CEP126: variants seen among roughly 807,000 people sequenced by gnomAD.
CEP126 encodes the protein centrosomal protein 126, also known as centrosomal protein of 126 kDa.
In CEP126, 74 loss-of-function variants were observed where a neutral mutation model predicts 107.8. The ratio of observed to expected loss-of-function variants is 0.69; its 90% CI spans 0.57 to 0.83. The LOEUF (loss-of-function observed/expected upper bound fraction) is 0.83, where lower values mean the gene tolerates loss of function less well. CEP126 is among the 40% of genes least tolerant of loss of function. The pLI is 0.00. For missense variants in CEP126, 1,237 were observed against 1,281.9 expected (o/e 0.96, Z 0.53); for synonymous variants, 449 against 446.0 (o/e 1.01, Z -0.08).
intron 2 of CEP126, among the ~76,000 whole-genome samples, chr11:101,933,200 GAC>G (rs1469645316): frequency 1.3e-4 from 20 of 152,266 alleles, no homozygotes; most frequent in African/African-American, 4.8e-4. Flanking sequence ...TGCTGACACA[GAC>G]ACTGAACTTA....
intron 9 of CEP126, among the ~76,000 whole-genome samples, chr11:101,989,458 C>G (rs763351539): frequency 3.9e-5 from 6 of 152,016 alleles, no homozygotes; most frequent in Non-Finnish European, 1.5e-5. Context: ...CCCCGGGTGG[C>G]AAAAATCACC....
At position 101,998,756 on chromosome 11, in the gene CEP126, A is replaced by G. The variant is rs753308464; in HGVS notation, c.*1113A>G. On this transcript the variant is annotated 3_prime_UTR_variant, in exon 11 of 11. Coordinates refer to ENST00000263468, the MANE Select transcript of CEP126 (RefSeq NM_020802.4). The stretch of plus-strand genomic sequence containing the variant: ...TGCATTAACATGTTGAATGCCTACC[A>G]TGTACCAAATTTTGTGCATATATTT... 6.6e-6 allele frequency: 1 copy of G among 152,100 alleles called. No homozygotes were observed. Among genetic ancestry groups the G allele is most frequent in the Non-Finnish European group, 1.5e-5 (1 of 68,030 alleles). The allele number at this position is 152,100 out of a possible 1,614,324, so 9.4% of individuals were successfully genotyped here.
chr11:101,973,707 A>G (rs1333740016), intron 6 of CEP126, among the ~76,000 whole-genome samples: 1 of 152,242 alleles, frequency 6.6e-6, no homozygotes, highest in Non-Finnish European at 1.5e-5. Context: ...ATAAAAAGGC[A>G]TAGAAAAACT....
At chr11:101,967,025 CTT>C (rs759877416) in intron 6 of CEP126, among the ~76,000 whole-genome samples, 55 of 107,058 alleles carry the variant, frequency 5.1e-4, no homozygotes, top group Non-Finnish European at 8.1e-4. Context: ...CTCTTTCTTT[CTT>C]TTTTTTTTTT....
At chr11:101,976,866 C>T (rs1406623447) in intron 6 of CEP126, among the ~76,000 whole-genome samples, 1 of 152,128 alleles carries the variant, frequency 6.6e-6, no homozygotes, top group Non-Finnish European at 1.5e-5. Flanking sequence ...TCACTTAATT[C>T]CACTTATAGC....
At chr11:101,915,567 T>C (rs1940191629) in intron 1 of CEP126, among the ~76,000 whole-genome samples, 155 bp downstream of exon 1, 1 of 152,200 alleles carries the variant, frequency 6.6e-6, no homozygotes, top group Non-Finnish European at 1.5e-5. Context: ...GTGTCTCACC[T>C]TAGACCTGAA....
In CEP126 at chr11:101,945,690, T is replaced by C. The variant is rs182026317; in HGVS notation, c.394+1280T>C. Among the ~76,000 whole-genome samples the C allele has an allele frequency of 3.2e-3, 484 of 152,236 alleles. 4 individuals are homozygous for C. Among genetic ancestry groups the C allele is most frequent in the Non-Finnish European group, 3.8e-3 (257 of 68,010 alleles). On this transcript the variant is annotated intron_variant, in intron 3 of 10. Coordinates refer to ENST00000263468, the MANE Select transcript of CEP126 (RefSeq NM_020802.4). ...CATCTGTCACTCGGCTCAAAAGTCT[T>C]TAGTAACACAGTTTATACCCTCACT...
intron 1 of CEP126, among the ~76,000 whole-genome samples, chr11:101,918,039 G>A (rs1940256728): frequency 6.6e-6 from 1 of 152,036 alleles, no homozygotes; most frequent in South Asian, 2.1e-4. Context: ...ATAAGACTTG[G>A]ATGCCCTGAC....
chr11:101,917,028 ATGTGTGTG>A (rs57573389), intron 1 of CEP126, among the ~76,000 whole-genome samples: 15,884 of 135,944 alleles, frequency 0.12, 1,121 homozygotes, highest in Admixed American at 0.22. Flanking sequence ...AAATCCAACA[ATGTGTGTG>A]TGTGTGTGTG....
Position 101,962,799 on chromosome 11 carries a change from T to C in CEP126, c.1764T>C (p.Gly588=), listed in dbSNP as rs11601724. 9.4e-6 allele frequency: 15 copies of C among 1,602,694 alleles called. No individual in the cohort carries two copies. In the South Asian group the frequency reaches 1.7e-4, roughly 18 times the overall value. The change falls in exon 6 of 11, where the codon GGT becomes GGC. Residue 588 remains glycine (G), a synonymous_variant. Transcript: ENST00000263468. ...AGAAAGAATCTAAATATGAACATGG[T>C]TATCTTAAGGCATTAATTATAAATC... ...ILKKESKYEH[G]YLKALIINQS...
At chr11:101,965,685 T>G (rs1056493994) in intron 6 of CEP126, among the ~76,000 whole-genome samples, 1 of 152,208 alleles carries the variant, frequency 6.6e-6, no homozygotes, top group African/African-American at 2.4e-5. Flanking sequence ...CTTTTTGAGT[T>G]TGTAGCTTGT....
intron 9 of CEP126, among the ~76,000 whole-genome samples, chr11:101,991,399 GA>G (rs1035827942): frequency 4.0e-5 from 6 of 151,180 alleles, no homozygotes; most frequent in African/African-American, 1.2e-4. Flanking sequence ...AAGAACAAGA[GA>G]AAAAAAACAC....
intron 6 of CEP126, among the ~76,000 whole-genome samples, chr11:101,966,745 T>A (rs1379453255): frequency 6.6e-6 from 1 of 152,218 alleles, no homozygotes; most frequent in Non-Finnish European, 1.5e-5. Flanking sequence ...CTGGACCTCA[T>A]CAACATTCAT....
chr11:101,972,780 G>GACA (rs1941148098), intron 6 of CEP126, among the ~76,000 whole-genome samples: 1 of 152,030 alleles, frequency 6.6e-6, no homozygotes, highest in Non-Finnish European at 1.5e-5. Flanking sequence ...CAGCCTGGGC[G>GACA]ACAGAGTGAG....
At chr11:101,947,105 A>G (rs577582192) in intron 3 of CEP126, among the ~76,000 whole-genome samples, 33 of 152,142 alleles carry the variant, frequency 2.2e-4, no homozygotes, top group African/African-American at 7.5e-4. Flanking sequence ...ATAACATCCT[A>G]TTTTTGCTTA....
intron 2 of CEP126, among the ~76,000 whole-genome samples, chr11:101,930,890 G>A (rs1304427737): frequency 6.6e-6 from 1 of 152,182 alleles, no homozygotes; most frequent in East Asian, 1.9e-4. Context: ...GATATGGAGG[G>A]CAAACTGTAT....
At chr11:101,940,901 A>G (rs1940654606) in intron 2 of CEP126, among the ~76,000 whole-genome samples, 1 of 152,192 alleles carries the variant, frequency 6.6e-6, no homozygotes, top group Non-Finnish European at 1.5e-5. Context: ...TCTGTTGGTA[A>G]TAAAGTCACA....
chr11:101,965,067 T>C (rs972171105), intron 6 of CEP126, among the ~76,000 whole-genome samples: 39 of 152,184 alleles, frequency 2.6e-4, no homozygotes, highest in African/African-American at 9.2e-4. Context: ...AATGATATCA[T>C]TGTCTTGAAA....
chr11:101,996,419 C>T (rs1427491415), intron 10 of CEP126, among the ~76,000 whole-genome samples: 1 of 152,152 alleles, frequency 6.6e-6, no homozygotes, highest in African/African-American at 2.4e-5. Context: ...ATCCCTTGCC[C>T]CATATACTCT....
Sources: allele counts gnomAD v4.1 joint callset (sites outside exome capture counted in the v4.1 genomes callset), GRCh38; gene constraint gnomAD v4.1.1; transcripts MANE v1.5; gene names NCBI Gene and HGNC (gene_info 2026-07-23, HGNC 2026-07-21).